Variants in BASP1 observed in about 807,000 individuals in gnomAD.
BASP1 encodes brain acid soluble protein 1.
A neutral mutation model predicts 2.2 loss-of-function variants in BASP1; 1 was observed. The ratio of observed to expected loss-of-function variants is 0.46; its 90% CI spans 0.16 to 2.17. The LOEUF is 2.17. Ranked by LOEUF, BASP1 falls within the 30% of genes most tolerant of loss-of-function variation. BASP1 has a pLI of 0.27. For synonymous variants in BASP1, 187 were observed against 154.2 expected, an observed-to-expected ratio of 1.21 and a Z score of -1.58; for missense variants, 352 against 327.2, an observed-to-expected ratio of 1.08 and a Z score of -0.58.
intron 1 of BASP1, among the ~76,000 whole-genome samples, chr5:17,222,084 A>T (rs965826281): frequency 1.3e-5 from 2 of 152,014 alleles, no homozygotes; most frequent in Non-Finnish European, 2.9e-5. Context: ...AACTAATTTC[A>T]GTATATTCAG....
intron 1 of BASP1, among the ~76,000 whole-genome samples, chr5:17,227,492 C>G (rs1171678817): frequency 6.6e-6 from 1 of 152,112 alleles, no homozygotes; most frequent in Admixed American, 6.5e-5. Flanking sequence ...ACCTCCGCCT[C>G]CCAGGTTCAA....
At chr5:17,240,142 A>ATAAG (rs1739833429) in intron 1 of BASP1, among the ~76,000 whole-genome samples, 1 of 150,770 alleles carries the variant, frequency 6.6e-6, no homozygotes, top group Non-Finnish European at 1.5e-5. Flanking sequence ...AGATAAATAA[A>ATAAG]TAAATAAATA....
At chr5:17,259,164 A>G (rs2126512974) in intron 1 of BASP1, among the ~76,000 whole-genome samples, 1 of 152,330 alleles carries the variant, frequency 6.6e-6, no homozygotes, top group South Asian at 2.1e-4. Flanking sequence ...GGCAAGGATG[A>G]GCAAGTCATG....
chr5:17,239,239 G>C (rs2126498924), intron 1 of BASP1, among the ~76,000 whole-genome samples: 1 of 152,104 alleles, frequency 6.6e-6, no homozygotes, highest in African/African-American at 2.4e-5. Context: ...GACTACAGGT[G>C]CCCGCCACCA....
At chr5:17,239,508 T>G (rs1739816811) in intron 1 of BASP1, among the ~76,000 whole-genome samples, 1 of 152,180 alleles carries the variant, frequency 6.6e-6, no homozygotes, top group East Asian at 1.9e-4. Context: ...AGTGTGTTAG[T>G]ACATGGAACA....
At chr5:17,267,639 C>T (rs915752815) in intron 1 of BASP1, among the ~76,000 whole-genome samples, 2 of 151,684 alleles carry the variant, frequency 1.3e-5, no homozygotes, top group Non-Finnish European at 2.9e-5. Context: ...CTGCTTCAGC[C>T]TCCCAAATAG....
At chr5:17,272,957 T>A (rs961878306) in intron 1 of BASP1, among the ~76,000 whole-genome samples, 1 of 152,218 alleles carries the variant, frequency 6.6e-6, no homozygotes, top group Non-Finnish European at 1.5e-5. Context: ...CACCCCATGT[T>A]ATACTTACTG....
At chr5:17,266,202 A>C (rs1418956832) in intron 1 of BASP1, among the ~76,000 whole-genome samples, 2 of 152,230 alleles carry the variant, frequency 1.3e-5, no homozygotes, top group African/African-American at 4.8e-5. Flanking sequence ...CCTGCTATAG[A>C]AGTTTAAGGA....
chr5:17,257,383 A>G (rs1740235841), intron 1 of BASP1, among the ~76,000 whole-genome samples: 1 of 152,174 alleles, frequency 6.6e-6, no homozygotes, highest in Non-Finnish European at 1.5e-5. Flanking sequence ...CCTGTGTTGA[A>G]TACAGTAATT....
Position 17,246,672 on chromosome 5 carries a change from G to A in BASP1, c.-9-28536G>A, listed in dbSNP as rs182843064. Among the ~76,000 whole-genome samples, 31 of 152,342 alleles carry A rather than the reference G, an allele frequency of 2.0e-4. No individual in the cohort carries two copies. The East Asian group carries it at 6.0e-3, about 29-fold the overall frequency. On this transcript the variant is annotated intron_variant, in intron 1 of 1. Transcript: ENST00000322611. The stretch of plus-strand genomic sequence containing the variant: ...ATGAATAATGTCAACTCACATCTCT[G>A]TGACTAGATGCAGGCTTCTTAGGAT...
In BASP1 at chr5:17,236,178, GA is replaced by G. The variant is rs1739741475; in HGVS notation, c.-10+18372del. On this transcript the variant is annotated intron_variant, in intron 1 of 1. Transcript: ENST00000322611. This position sits in a 1 kb window ranked among gnomAD's most constrained non-coding sequence, Gnocchi z 4.0. The stretch of plus-strand genomic sequence containing the variant: ...TTTAAGACTATTCTACCTTGGGGGA[GA>G]AAAGCAAAAATGATTTCTTATTACA... Among the ~76,000 whole-genome samples, 2 of 152,094 alleles carry G rather than the reference GA, an allele frequency of 1.3e-5. No individual in the cohort carries two copies. The highest frequency in any genetic ancestry group is 4.1e-4 in the South Asian group (2 of 4,830).
chr5:17,217,853 G>A (rs1739292588), intron 1 of BASP1, 43 bp downstream of exon 1: 1 of 151,886 alleles, frequency 6.6e-6, no homozygotes, highest in Non-Finnish European at 1.5e-5. Flanking sequence ...CGCGGACCCG[G>A]GGGCCTCCGT....
At chr5:17,274,576 C>T (rs891705028) in intron 1 of BASP1, among the ~76,000 whole-genome samples, 6 of 152,180 alleles carry the variant, frequency 3.9e-5, no homozygotes, top group Middle Eastern at 3.2e-3. Context: ...GCCTGTTCCA[C>T]GCTTGGTGTT....
intron 1 of BASP1, among the ~76,000 whole-genome samples, chr5:17,272,968 G>T (rs1740559571): frequency 6.6e-6 from 1 of 152,074 alleles, no homozygotes; most frequent in Admixed American, 6.5e-5. Context: ...ATACTTACTG[G>T]ACCCCCTATG....
In BASP1 at chr5:17,275,618, C is replaced by T. The variant is rs1199591728; in HGVS notation, c.402C>T (p.Ala134=). 1.4e-6 allele frequency: 2 copies of T among 1,476,388 alleles called. No individual in the cohort carries two copies. Among genetic ancestry groups the T allele is most frequent in the Non-Finnish European group, 1.8e-6 (2 of 1,117,036 alleles). The allele number at this position is 1,476,388 out of a possible 1,614,324, so 91.5% of individuals were successfully genotyped here. The part of the protein sequence containing the change: ...EAAAAPAESA[A]PAAGEEPSKE... ...CCGCGGCCCCGGCCGAGAGCGCGGCCCCTGCCGCCGGGGAGGAGCCCAGCA... is the reference window on the plus strand; with the variant it reads ...CCGCGGCCCCGGCCGAGAGCGCGGCTCCTGCCGCCGGGGAGGAGCCCAGCA... The change falls in exon 2 of 2, where the codon GCC becomes GCT. Residue 134 remains alanine, a synonymous_variant. Transcript: ENST00000322611. The surrounding 1 kb of genome is among the most constrained non-coding windows in gnomAD (Gnocchi z 5.3).
At chr5:17,255,384 A>G (rs1186052649) in intron 1 of BASP1, among the ~76,000 whole-genome samples, 2 of 152,188 alleles carry the variant, frequency 1.3e-5, no homozygotes, top group Non-Finnish European at 2.9e-5. Context: ...TAAAACTATA[A>G]TAAGTTCACT....
At chr5:17,249,740 C>A (rs369093115) in intron 1 of BASP1, among the ~76,000 whole-genome samples, 1 of 152,040 alleles carries the variant, frequency 6.6e-6, no homozygotes, top group Non-Finnish European at 1.5e-5. Context: ...TCTGTAGTAA[C>A]GTTTATCTAT....
intron 1 of BASP1, among the ~76,000 whole-genome samples, chr5:17,252,593 GGTACGT>G (rs1252619882): frequency 6.6e-6 from 1 of 152,056 alleles, no homozygotes; most frequent in Non-Finnish European, 1.5e-5. Context: ...TTTTTGACCT[GGTACGT>G]GCTGTGTAGC....
At chr5:17,240,913 C>T (rs1171142332) in intron 1 of BASP1, among the ~76,000 whole-genome samples, 2 of 152,106 alleles carry the variant, frequency 1.3e-5, no homozygotes, top group Non-Finnish European at 2.9e-5. Flanking sequence ...ATAAAACCAT[C>T]GTTACAGAGA....
Sources: gnomAD v4.1 joint callset for allele counts (sites outside exome capture counted in the v4.1 genomes callset) on GRCh38, gnomAD v4.1.1 for gene constraint, Gnocchi (gnomAD v3.1) non-coding constraint, MANE v1.5 for transcripts, NCBI Gene and HGNC (gene_info 2026-07-23, HGNC 2026-07-21) for gene names.